Variants in CAST observed in about 807,000 individuals in gnomAD.
CAST encodes the protein MIR583 host.
Under a neutral mutation model 119.6 loss-of-function variants are expected in CAST, and 76 were observed. That is an observed-to-expected ratio of 0.64 (90% CI 0.53 to 0.77). The LOEUF is 0.77. CAST is among the 30% of genes least tolerant of loss of function. CAST has a pLI of 0.00. For missense variants in CAST, 953 were observed against 946.5 expected, an observed-to-expected ratio of 1.01 and a Z score of -0.09; for synonymous variants, 319 against 331.6, an observed-to-expected ratio of 0.96 and a Z score of 0.41.
At chr5:96,722,822 C>T (rs1758550145) in intron 4 of CAST, 124 bp downstream of exon 4, 2 of 710,790 alleles carry the variant, frequency 2.8e-6, no homozygotes, top group Non-Finnish European at 5.0e-6. Context: ...TGGAAGTAAA[C>T]ATTTTCTTCC....
chr5:96,226,142 G>A, the CAST span, among the ~76,000 whole-genome samples: 1 of 152,130 alleles, frequency 6.6e-6, no homozygotes, highest in Non-Finnish European at 1.5e-5. Context: ...TTACCCAAAG[G>A]TCTTAACTGC....
intron 3 of CAST, among the ~76,000 whole-genome samples, chr5:96,710,609 T>C (rs533898067): frequency 6.6e-6 from 1 of 152,304 alleles, no homozygotes; most frequent in Non-Finnish European, 1.5e-5. Flanking sequence ...CTTGGCCAGT[T>C]ACATTGCCCA....
intron 1 of CAST, among the ~76,000 whole-genome samples, chr5:96,654,655 T>G (rs1174440395): frequency 6.6e-6 from 1 of 152,198 alleles, no homozygotes; most frequent in Non-Finnish European, 1.5e-5. Context: ...CAAGAGTAAG[T>G]TCATTAATAA....
chr5:96,639,631 G>A (rs184970753), intron 1 of CAST, among the ~76,000 whole-genome samples: 1 of 152,292 alleles, frequency 6.6e-6, no homozygotes, highest in East Asian at 1.9e-4. Context: ...CGGGAGGAGG[G>A]CCCTCTCAAA....
chr5:96,124,493 A>G, the CAST span, among the ~76,000 whole-genome samples: 1 of 152,158 alleles, frequency 6.6e-6, no homozygotes, highest in Non-Finnish European at 1.5e-5. Context: ...GTGATTTTAA[A>G]AATCTTGAAA....
chr5:96,373,206 C>G, the CAST span, among the ~76,000 whole-genome samples: 1 of 152,186 alleles, frequency 6.6e-6, no homozygotes. Context: ...AACTGGATGA[C>G]AGTGATGATG....
At chr5:96,534,869 GAGAA>G (rs140128136) in intron 1 of CAST, among the ~76,000 whole-genome samples, 84,761 of 139,498 alleles carry the variant, frequency 0.61, 26,396 homozygotes, top group East Asian at 0.86. Context: ...GGGAAGGAAG[GAGAA>G]AGAAAGAAAA....
chr5:96,082,493 C>G, the CAST span, among the ~76,000 whole-genome samples: 23 of 152,084 alleles, frequency 1.5e-4, no homozygotes, highest in Non-Finnish European at 2.9e-4. Context: ...GACTGCCTTG[C>G]CAGGTGAAAA....
chr5:95,996,265 T>C, the CAST span, among the ~76,000 whole-genome samples: 9 of 152,230 alleles, frequency 5.9e-5, no homozygotes, highest in East Asian at 1.5e-3. Flanking sequence ...GCATCTACAT[T>C]CAGCCAGTTC....
chr5:96,203,643 A>G, the CAST span, among the ~76,000 whole-genome samples: 6 of 152,208 alleles, frequency 3.9e-5, no homozygotes, highest in Non-Finnish European at 7.4e-5. Context: ...TAATAATAGA[A>G]GAAAATGCTA....
At chr5:96,468,345 T>C in the CAST span, among the ~76,000 whole-genome samples, 14 of 152,198 alleles carry the variant, frequency 9.2e-5, no homozygotes, top group African/African-American at 3.1e-4. Context: ...TTCATCCATG[T>C]AACCAAAAAC....
the CAST span, among the ~76,000 whole-genome samples, chr5:96,116,275 A>G: frequency 1.3e-5 from 2 of 152,116 alleles, no homozygotes; most frequent in African/African-American, 2.4e-5. Flanking sequence ...TGTTTTGATC[A>G]GTAGTTTTTT....
chr5:96,544,828 A>AT (rs1258223177), intron 1 of CAST, among the ~76,000 whole-genome samples: 1 of 88,784 alleles, frequency 1.1e-5, no homozygotes, highest in Non-Finnish European at 2.4e-5. Flanking sequence ...TTAGGAGTGG[A>AT]TAAAAAAAAA....
At chr5:96,497,158 G>A in the CAST span, among the ~76,000 whole-genome samples, 166 of 151,978 alleles carry the variant, frequency 1.1e-3, no homozygotes, top group Non-Finnish European at 2.0e-3. Context: ...ATGGTTTCCA[G>A]CTTCATCCAT....
intron 1 of CAST, chr5:96,585,140 T>A (rs954588583): frequency 6.6e-6 from 1 of 152,012 alleles, no homozygotes; most frequent in Non-Finnish European, 1.5e-5. Flanking sequence ...GAAGAAACTA[T>A]TTTTTTTACT....
the CAST span, among the ~76,000 whole-genome samples, chr5:96,315,651 T>C: frequency 6.6e-6 from 1 of 152,238 alleles, no homozygotes; most frequent in Non-Finnish European, 1.5e-5. Flanking sequence ...CTATTTTTGG[T>C]AGAGGTCTAT....
intron 1 of CAST, among the ~76,000 whole-genome samples, chr5:96,577,013 G>A (rs971055951): frequency 1.3e-5 from 2 of 152,110 alleles, no homozygotes; most frequent in Non-Finnish European, 2.9e-5. Context: ...GCCCCAGTGT[G>A]TGTCGTTCCC....
chr5:96,016,696 G>C, the CAST span, among the ~76,000 whole-genome samples: 1 of 152,042 alleles, frequency 6.6e-6, no homozygotes, highest in African/African-American at 2.4e-5. Context: ...GCTTTTAAGA[G>C]TTGAGAACTT....
At chr5:95,984,160 G>T in the CAST span, among the ~76,000 whole-genome samples, 7 of 151,978 alleles carry the variant, frequency 4.6e-5, no homozygotes, top group African/African-American at 1.7e-4. Context: ...ATTATTTGTT[G>T]AATTTATTGG....
Sources: gnomAD v4.1 joint callset for allele counts (sites outside exome capture counted in the v4.1 genomes callset) on GRCh38, gnomAD v4.1.1 for gene constraint, MANE v1.5 for transcripts, NCBI Gene and HGNC (gene_info 2026-07-23, HGNC 2026-07-21) for gene names.